Variants in RB1CC1 observed in about 807,000 individuals in gnomAD.
RB1CC1 encodes RB1 inducible coiled-coil 1.
A neutral mutation model predicts 177.5 loss-of-function variants in RB1CC1; 46 were observed. The observed-to-expected ratio is 0.26, with a 90% CI of 0.20 to 0.33. RB1CC1 has a LOEUF of 0.33. Ranked by LOEUF, RB1CC1 falls within the 10% of genes least tolerant of loss-of-function variation. The pLI is 1.00. For missense variants in RB1CC1, 1,703 were observed against 1,816.3 expected, an observed-to-expected ratio of 0.94 and a Z score of 1.13; for synonymous variants, 666 against 613.6, an observed-to-expected ratio of 1.09 and a Z score of -1.26.
intron 1 of RB1CC1, among the ~76,000 whole-genome samples, chr8:52,712,142 A>G (rs1421869799): frequency 6.6e-6 from 1 of 152,226 alleles, no homozygotes; most frequent in East Asian, 1.9e-4. Context: ...GTTGAAAGGG[A>G]CTGCTAGATT....
At chr8:52,703,056 A>G (rs1740230951) in intron 1 of RB1CC1, among the ~76,000 whole-genome samples, 1 of 152,208 alleles carries the variant, frequency 6.6e-6, no homozygotes, top group Non-Finnish European at 1.5e-5. Context: ...GAGAGATCAC[A>G]TGCAGGTAGC....
chr8:52,643,369 GCA>G (rs1463980574), intron 16 of RB1CC1: 1 of 152,166 alleles, frequency 6.6e-6, no homozygotes, highest in Non-Finnish European at 1.5e-5. Context: ...AATTTTAACT[GCA>G]CAGTTTCTTT....
intron 1 of RB1CC1, among the ~76,000 whole-genome samples, chr8:52,690,918 C>T (rs898911290): frequency 5.3e-5 from 8 of 152,228 alleles, no homozygotes; most frequent in African/African-American, 1.9e-4. Flanking sequence ...CAGAATTTCC[C>T]TTTATCCATA....
In RB1CC1 at chr8:52,623,725, GCA is replaced by G; in HGVS notation, c.*55_*56del. ...CTGCTGTTTTTGGAGTGATGAATGA[GCA>G]CTGCAGGACAAATCAGAAAAAAATG... On this transcript the variant is annotated 3_prime_UTR_variant, in exon 24 of 24. Coordinates refer to ENST00000025008, the MANE Select transcript of RB1CC1 (RefSeq NM_014781.5). The G allele has an allele frequency of 8.1e-7, 1 of 1,238,206 alleles. No homozygotes were observed. The highest frequency in any genetic ancestry group is 1.2e-6 in the Non-Finnish European group (1 of 842,222). The allele number at this position is 1,238,206 out of a possible 1,614,324, so 76.7% of individuals were successfully genotyped here.
chr8:52,636,582 T>C (rs1288699524), intron 18 of RB1CC1, among the ~76,000 whole-genome samples: 6 of 152,238 alleles, frequency 3.9e-5, no homozygotes, highest in Non-Finnish European at 4.4e-5. Flanking sequence ...TCTACAGGTA[T>C]AATCCCCAAA....
At chr8:52,677,551 T>C (rs960820439) in intron 5 of RB1CC1, among the ~76,000 whole-genome samples, 2 of 152,108 alleles carry the variant, frequency 1.3e-5, no homozygotes, top group Non-Finnish European at 2.9e-5. Flanking sequence ...AATAGAAGCT[T>C]TAAGAAGACT....
chr8:52,623,954 C>CA (rs927081025), intron 23 of RB1CC1, 95 bp from the exon 24 acceptor site: 3 of 814,722 alleles, frequency 3.7e-6, no homozygotes, highest in Non-Finnish European at 4.1e-6. Flanking sequence ...CAAAAAGAAA[C>CA]AAAAAAATAA....
intron 1 of RB1CC1, among the ~76,000 whole-genome samples, chr8:52,713,226 G>GA (rs1326049694): frequency 6.6e-6 from 1 of 152,134 alleles, no homozygotes; most frequent in East Asian, 1.9e-4. Flanking sequence ...TATCAACAGT[G>GA]AGCACATGAG....
intron 1 of RB1CC1, among the ~76,000 whole-genome samples, chr8:52,704,687 C>T (rs1330854766): frequency 6.6e-6 from 1 of 151,996 alleles, no homozygotes; most frequent in African/African-American, 2.4e-5. Context: ...TCCATTAAAT[C>T]CTGTAAGTGG....
At chr8:52,685,203 C>A (rs899127884) in intron 3 of RB1CC1, among the ~76,000 whole-genome samples, 196 bp downstream of exon 3, 1 of 151,968 alleles carries the variant, frequency 6.6e-6, no homozygotes, top group Non-Finnish European at 1.5e-5. Context: ...GGGGTTTCAC[C>A]ATGTTGGCCA....
intron 1 of RB1CC1, among the ~76,000 whole-genome samples, chr8:52,702,723 G>A (rs1856192642): frequency 6.6e-6 from 1 of 151,296 alleles, no homozygotes; most frequent in South Asian, 2.1e-4. Flanking sequence ...AAAAAGAAAA[G>A]AAGAAGAAAA....
intron 15 of RB1CC1, among the ~76,000 whole-genome samples, chr8:52,647,994 T>TTATAATTTC (rs1336785689): frequency 7.9e-5 from 12 of 152,098 alleles, no homozygotes; most frequent in Non-Finnish European, 1.8e-4. Flanking sequence ...CAGGCAGTAC[T>TTATAATTTC]TATAATTTCT....
At chr8:52,686,707 C>A (rs1854303925) in intron 2 of RB1CC1, 146 bp downstream of exon 2, 2 of 235,830 alleles carry the variant, frequency 8.5e-6, no homozygotes, top group South Asian at 4.9e-5. Context: ...GTAGTAGGTA[C>A]CTTTACTTAT....
At chr8:52,703,290 C>G (rs962109655) in intron 1 of RB1CC1, among the ~76,000 whole-genome samples, 9 of 152,172 alleles carry the variant, frequency 5.9e-5, no homozygotes, top group African/African-American at 2.2e-4. Context: ...TAACAATTAC[C>G]TATCTGAGCA....
chr8:52,665,098 T>C (rs1306297768), intron 8 of RB1CC1, among the ~76,000 whole-genome samples: 1 of 152,144 alleles, frequency 6.6e-6, no homozygotes, highest in Non-Finnish European at 1.5e-5. Flanking sequence ...TATAGAATGA[T>C]GGGTTCATAA....
intron 19 of RB1CC1, among the ~76,000 whole-genome samples, chr8:52,635,585 T>C (rs926632958): frequency 2.6e-5 from 4 of 152,158 alleles, no homozygotes; most frequent in African/African-American, 4.8e-5. Flanking sequence ...TTTCAATTCT[T>C]TATTTAAAAC....
intron 12 of RB1CC1, 110 bp downstream of exon 12, chr8:52,660,486 T>A: frequency 9.3e-7 from 1 of 1,070,052 alleles, no homozygotes; most frequent in Non-Finnish European, 1.4e-6. Flanking sequence ...TTATTTTGAT[T>A]TTTTTTAAAC....
intron 17 of RB1CC1, 39 bp from the exon 18 acceptor site, chr8:52,642,630 A>T (rs200049684): frequency 2.3e-4 from 369 of 1,599,370 alleles, no homozygotes; most frequent in Non-Finnish European, 3.1e-4. Context: ...TCATGTAATT[A>T]AAAAAACCAC....
chr8:52,649,448 T>G (rs183809476), intron 15 of RB1CC1, among the ~76,000 whole-genome samples: 1 of 152,294 alleles, frequency 6.6e-6, no homozygotes, highest in East Asian at 1.9e-4. Flanking sequence ...ACATTGAACA[T>G]AAACTAGATT....
Sources: allele counts gnomAD v4.1 joint callset (sites outside exome capture counted in the v4.1 genomes callset), GRCh38; gene constraint gnomAD v4.1.1; transcripts MANE v1.5; gene names NCBI Gene and HGNC (gene_info 2026-07-23, HGNC 2026-07-21).